The following MYO5C variants were observed in gnomAD, a reference collection of about 807,000 sequenced individuals.
The protein encoded by MYO5C is unconventional myosin-Vc.
A neutral mutation model predicts 235.7 loss-of-function variants in MYO5C; 194 were observed. The observed-to-expected ratio is 0.82, with a 90% confidence interval of 0.73 to 0.93. The LOEUF (loss-of-function observed/expected upper bound fraction) is 0.93. Among genes scored for constraint, MYO5C ranks in the 40% least tolerant of loss-of-function variants. The pLI is 0.00. For missense variants in MYO5C, 2,038 were observed against 2,127.2 expected (o/e 0.96, Z 0.82); for synonymous variants, 707 against 754.8 (o/e 0.94, Z 1.04).
At chr15:52,223,292 T>C (rs2035741835) in intron 29 of MYO5C, among the ~76,000 whole-genome samples, 1 of 152,102 alleles carries the variant, frequency 6.6e-6, no homozygotes, top group Admixed American at 6.5e-5. Flanking sequence ...CTTTAAAACA[T>C]ACACACTTAC....
Position 52,218,647 on chromosome 15 carries a change from C to T in MYO5C, c.3826G>A (p.Glu1276Lys). 3.1e-6 allele frequency: 5 copies of T among 1,614,192 alleles called. No homozygotes were observed. Among genetic ancestry groups the T allele is most frequent in the East Asian group, 2.2e-5 (1 of 44,882 alleles). ...AQNEIHTKEKEKLIDKIQEMQ... is the reference protein window; with the variant it reads ...AQNEIHTKEKKKLIDKIQEMQ... ...TCTTGAATCTTATCAATCAGCTTCT[C>T]CTTCTCTTTGGTATGTATTTCATTT... is the stretch of plus-strand genomic sequence containing the variant. Residue 1276 changes from glutamate (E) to lysine (K), a missense_variant, in exon 32 of 41, where the codon GAG becomes AAG. Transcript: ENST00000261839.
intron 1 of MYO5C, among the ~76,000 whole-genome samples, chr15:52,284,396 A>T (rs2037219836): frequency 6.6e-6 from 1 of 152,136 alleles, no homozygotes; most frequent in South Asian, 2.1e-4. Context: ...GCTAAAACTA[A>T]AGCATGCTGG....
At chr15:52,285,927 C>T in intron 1 of MYO5C, among the ~76,000 whole-genome samples, 1 of 152,184 alleles carries the variant, frequency 6.6e-6, no homozygotes, top group Non-Finnish European at 1.5e-5. Context: ...TGTCTGGCCG[C>T]CATCCCATCT....
At chr15:52,256,787 T>C (rs1202539084) in intron 10 of MYO5C, 67 bp from the exon 11 acceptor site, 2 of 1,231,652 alleles carry the variant, frequency 1.6e-6, no homozygotes, top group Non-Finnish European at 2.4e-6. Flanking sequence ...TTTATAGATA[T>C]TTTTTGACAC....
At chr15:52,222,732 G>A (rs2035721832) in intron 29 of MYO5C, among the ~76,000 whole-genome samples, 1 of 152,100 alleles carries the variant, frequency 6.6e-6, no homozygotes, top group African/African-American at 2.4e-5. Context: ...AGCAGTGTGG[G>A]GTTAAGACAG....
chr15:52,222,589 G>A (rs944705950), intron 29 of MYO5C, among the ~76,000 whole-genome samples: 3 of 150,888 alleles, frequency 2.0e-5, no homozygotes, highest in African/African-American at 7.5e-5. Flanking sequence ...CTCTGTGCAG[G>A]CAGAGTCAGC....
At chr15:52,196,684 G>T (rs2035060709) in intron 38 of MYO5C, among the ~76,000 whole-genome samples, 1 of 152,182 alleles carries the variant, frequency 6.6e-6, no homozygotes, top group African/African-American at 2.4e-5. Context: ...TAGGCTGAGG[G>T]GCCGGAACAG....
In MYO5C at chr15:52,205,148, C is replaced by G. The variant is rs754893991; in HGVS notation, c.4538-1G>C. 6.2e-7 allele frequency: 1 copy of G among 1,612,616 alleles called. No homozygotes were observed. The highest frequency in any genetic ancestry group is 8.5e-7 in the Non-Finnish European group (1 of 1,179,320). On this transcript the variant is annotated splice_acceptor_variant, in intron 37 of 40. Transcript: ENST00000261839. LOFTEE classifies it high-confidence loss of function. ...CTCTCATACTCCAGCATTCCCGGAA[C>G]TGCGGAGAGACAGGGAGGCTGTGCT...
Position 52,279,101 on chromosome 15 carries a change from C to G in MYO5C, c.305-84G>C, listed in dbSNP as rs1329646297. 2.0e-5 allele frequency: 28 copies of G among 1,412,044 alleles called. No homozygotes were observed. The Admixed American group carries it at 5.7e-4, about 29-fold the overall frequency. 87.5% of individuals were successfully genotyped at this position (1,412,044 alleles called of 1,614,324 possible). On this transcript the variant is annotated intron_variant, in intron 3 of 40. Coordinates refer to ENST00000261839, the MANE Select transcript of MYO5C (RefSeq NM_018728.4). ...TTTTTTTTTTTAAGAAACCCCAGCT[C>G]TGTCGCTTATTAAACCTTCTGTGTG...
chr15:52,247,728 A>C (rs548978165), intron 14 of MYO5C, 136 bp from the exon 15 acceptor site: 26 of 890,968 alleles, frequency 2.9e-5, no homozygotes, highest in Admixed American at 5.5e-5. Flanking sequence ...CTACAGCCAA[A>C]TCTCAATTCC....
In MYO5C at chr15:52,192,864, TA is replaced by T. The variant is rs74265743; in HGVS notation, c.*1037del. 9 of 151,740 alleles carry T rather than the reference TA, an allele frequency of 5.9e-5. No homozygotes were observed. The highest frequency in any genetic ancestry group is 1.7e-4 in the African/African-American group (7 of 41,332). 9.4% of individuals were successfully genotyped at this position (151,740 alleles called of 1,614,324 possible). On this transcript the variant is annotated 3_prime_UTR_variant, in exon 41 of 41. Transcript: ENST00000261839. ...TTATTGTATGAAAGGTATTAAAAAA[TA>T]AAAAAATTATGGTGAATATGTTGGC...
chr15:52,220,000 TAAC>T (rs2035641219), intron 30 of MYO5C, among the ~76,000 whole-genome samples, 178 bp from the exon 31 acceptor site: 1 of 152,140 alleles, frequency 6.6e-6, no homozygotes, highest in South Asian at 2.1e-4. Context: ...ACACTAACAC[TAAC>T]AATAGCTGAT....
intron 15 of MYO5C, 68 bp from the exon 16 acceptor site, chr15:52,247,082 C>A: frequency 1.4e-6 from 2 of 1,379,680 alleles, no homozygotes; most frequent in Non-Finnish European, 2.0e-6. Context: ...CGGTAAAAAG[C>A]AGCCCAACCT....
intron 22 of MYO5C, 109 bp from the exon 23 acceptor site, chr15:52,235,872 T>C (rs2036071184): frequency 1.0e-5 from 7 of 676,644 alleles, no homozygotes; most frequent in Middle Eastern, 7.6e-4. Context: ...GTTTATTTTT[T>C]CTCAGCTCCT....
rs778972511 is a variant in MYO5C at position 52,223,605 on chromosome 15, T to G, written c.3566A>C (p.Glu1189Ala). 4.3e-6 allele frequency: 7 copies of G among 1,614,212 alleles called. No homozygotes were observed. The East Asian group carries it at 1.6e-4, about 36-fold the overall frequency. ...EINHLQKLFR[E>A]ENDINESIRH... ...GATGCTTTCATTGATGTCATTTTCTTCTCTGAATAACTTCTGCAGGTGGTT... is the reference window on the plus strand; with the variant it reads ...GATGCTTTCATTGATGTCATTTTCTGCTCTGAATAACTTCTGCAGGTGGTT... Residue 1189 changes from glutamate (E) to alanine (A), a missense_variant, in exon 29 of 41, where the codon GAA becomes GCA. Glu to Ala is a moderately radical substitution (Grantham distance 107, BLOSUM62 -1). Transcript: ENST00000261839.
rs1214463561 is a variant in MYO5C at position 52,206,162 on chromosome 15, T to C, written c.4387-196A>G. On this transcript the variant is annotated intron_variant, in intron 36 of 40. Coordinates refer to ENST00000261839, the MANE Select transcript of MYO5C (RefSeq NM_018728.4). ...CCTGTATGATCACAGTCTATCACAC[T>C]GTCATTGTCCCACCCACTTCCCTAC... Among the ~76,000 whole-genome samples the C allele has an allele frequency of 2.6e-5, 4 of 152,168 alleles. 1 individual carries two copies. In the South Asian group the frequency reaches 6.2e-4, roughly 24 times the overall value.
chr15:52,276,500 G>A (rs1401178758), intron 4 of MYO5C, among the ~76,000 whole-genome samples: 4 of 152,148 alleles, frequency 2.6e-5, no homozygotes, highest in Admixed American at 6.5e-5. Flanking sequence ...CTCCCAGAAG[G>A]AAAGCACGTA....
chr15:52,214,628 C>G lies in MYO5C; in HGVS notation c.4017G>C (p.Lys1339Asn). The G allele has an allele frequency of 6.2e-7, 1 of 1,608,314 alleles. No individual in the cohort carries two copies. The highest frequency in any genetic ancestry group is 8.5e-7 in the Non-Finnish European group (1 of 1,177,098). Residue 1339 changes from lysine to asparagine, a missense_variant, in exon 33 of 41, where the codon AAG becomes AAC. Coordinates refer to ENST00000261839, the MANE Select transcript of MYO5C (RefSeq NM_018728.4). ...RVIKKLQDQV[K>N]TLSKTIGKAN... ...CTTTTCCAATTGTCTTGCTTAGTGT[C>G]TTGACTTGATCTTGTAGCTTTTTAA... is the stretch of plus-strand genomic sequence containing the variant.
intron 1 of MYO5C, among the ~76,000 whole-genome samples, chr15:52,285,667 CGCTGTGTTGGCCGG>C (rs1299579266): frequency 6.6e-6 from 1 of 152,264 alleles, no homozygotes; most frequent in African/African-American, 2.4e-5. Flanking sequence ...GACGGAGTTT[CGCTGTGTTGGCCGG>C]GCTGGTCTCC....
Sources: gnomAD v4.1 joint callset for allele counts (sites outside exome capture counted in the v4.1 genomes callset) on GRCh38, gnomAD v4.1.1 for gene constraint, MANE v1.5 for transcripts, NCBI Gene and HGNC (gene_info 2026-07-23, HGNC 2026-07-21) for gene names.